Variants in PDE4B observed in about 807,000 individuals in gnomAD.
PDE4B encodes phosphodiesterase 4B, also known as 3',5'-cyclic-AMP phosphodiesterase 4B.
A neutral mutation model predicts 82.2 loss-of-function variants in PDE4B; 20 were observed. The ratio of observed to expected loss-of-function variants is 0.24; its 90% confidence interval spans 0.17 to 0.35. The LOEUF is 0.35. Ranked by LOEUF, PDE4B falls within the 10% of genes least tolerant of loss-of-function variation. PDE4B has a pLI of 1.00. For missense variants in PDE4B, 655 were observed against 907.2 expected, an observed-to-expected ratio of 0.72 and a Z score of 3.57; for synonymous variants, 320 against 318.9, an observed-to-expected ratio of 1.00 and a Z score of -0.04.
intron 3 of PDE4B, among the ~76,000 whole-genome samples, chr1:66,022,291 AC>A (rs2100771302): frequency 6.6e-6 from 1 of 152,186 alleles, no homozygotes; most frequent in South Asian, 2.1e-4. Flanking sequence ...CTAATTGAAT[AC>A]CCTGTATTTC....
intron 3 of PDE4B, among the ~76,000 whole-genome samples, chr1:65,984,787 G>A (rs576776111): frequency 2.0e-5 from 3 of 151,914 alleles, no homozygotes; most frequent in Non-Finnish European, 4.4e-5. Flanking sequence ...ATATATATAT[G>A]TTATCTTTAA....
intron 7 of PDE4B, among the ~76,000 whole-genome samples, chr1:66,317,608 T>C (rs1659117291): frequency 6.6e-6 from 1 of 152,120 alleles, no homozygotes; most frequent in Non-Finnish European, 1.5e-5. Flanking sequence ...ATTATTTTTT[T>C]AAGTCAGGCC....
intron 1 of PDE4B, among the ~76,000 whole-genome samples, chr1:65,837,093 T>A (rs1251798845): frequency 7.0e-6 from 1 of 142,786 alleles, no homozygotes; most frequent in Non-Finnish European, 1.5e-5. Context: ...CAGCACCAGT[T>A]TTTTTTTTTT....
chr1:65,919,198 T>C (rs1331118076), intron 3 of PDE4B, among the ~76,000 whole-genome samples: 4 of 152,222 alleles, frequency 2.6e-5, no homozygotes, highest in Non-Finnish European at 5.9e-5. Flanking sequence ...ACTATATGTA[T>C]ATGATGTTCT....
intron 8 of PDE4B, among the ~76,000 whole-genome samples, chr1:66,338,504 C>T (rs981613715): frequency 3.9e-5 from 6 of 152,112 alleles, no homozygotes; most frequent in Non-Finnish European, 2.9e-5. Context: ...AAAGAGCAAT[C>T]GCAATTATAG....
intron 3 of PDE4B, among the ~76,000 whole-genome samples, chr1:65,979,386 T>C (rs1039795684): frequency 6.6e-6 from 1 of 152,200 alleles, no homozygotes; most frequent in Non-Finnish European, 1.5e-5. Context: ...TGCTGGGTGG[T>C]GGTGCCGCTA....
intron 3 of PDE4B, among the ~76,000 whole-genome samples, chr1:66,224,840 A>G (rs1433285700): frequency 1.3e-5 from 2 of 152,122 alleles, no homozygotes; most frequent in East Asian, 3.8e-4. Context: ...TGGTCAAGTC[A>G]CTCTCTTAGT....
intron 6 of PDE4B, among the ~76,000 whole-genome samples, chr1:66,263,636 T>C (rs778905752): frequency 5.3e-5 from 8 of 152,110 alleles, no homozygotes; most frequent in Non-Finnish European, 8.8e-5. Context: ...CCAGTGGAGA[T>C]AATATGTGCC....
chr1:65,997,794 A>G (rs1651634525), intron 3 of PDE4B, among the ~76,000 whole-genome samples: 1 of 152,248 alleles, frequency 6.6e-6, no homozygotes, highest in African/African-American at 2.4e-5. Context: ...ACTAGCTGGA[A>G]GACAAACTTA....
At chr1:65,904,585 A>G (rs868279017) in intron 1 of PDE4B, among the ~76,000 whole-genome samples, 21 of 152,158 alleles carry the variant, frequency 1.4e-4, no homozygotes, top group Admixed American at 2.6e-4. Context: ...GTTCTGAAAT[A>G]CTACTTTTAT....
chr1:66,024,574 T>C (rs1210147925), intron 3 of PDE4B, among the ~76,000 whole-genome samples: 2 of 152,164 alleles, frequency 1.3e-5, no homozygotes, highest in African/African-American at 4.8e-5. Flanking sequence ...CATACGTTTA[T>C]TCAACAAAAT....
At chr1:65,816,427 G>A (rs1157423164) in intron 1 of PDE4B, among the ~76,000 whole-genome samples, 1 of 152,084 alleles carries the variant, frequency 6.6e-6, no homozygotes, top group Non-Finnish European at 1.5e-5. Context: ...AGCCAGTTTT[G>A]AAGAATTTTT....
At chr1:65,896,719 G>C (rs1646914317) in intron 1 of PDE4B, among the ~76,000 whole-genome samples, 1 of 152,070 alleles carries the variant, frequency 6.6e-6, no homozygotes, top group Non-Finnish European at 1.5e-5. Flanking sequence ...TGAAAGACTT[G>C]GGATAAATGC....
intron 7 of PDE4B, among the ~76,000 whole-genome samples, chr1:66,298,898 C>T (rs192254007): frequency 3.3e-5 from 5 of 152,150 alleles, no homozygotes; most frequent in Non-Finnish European, 5.9e-5. Flanking sequence ...TCATAGTAGT[C>T]ATTCTGTGGT....
At chr1:66,253,939 A>G (rs1272668528) in intron 4 of PDE4B, among the ~76,000 whole-genome samples, 9 of 152,232 alleles carry the variant, frequency 5.9e-5, no homozygotes, top group Admixed American at 1.3e-4. Flanking sequence ...TCATGTTGAC[A>G]TTATGCCCTA....
intron 3 of PDE4B, among the ~76,000 whole-genome samples, chr1:66,126,738 G>T (rs1205750638): frequency 1.3e-5 from 2 of 152,300 alleles, no homozygotes; most frequent in Admixed American, 6.5e-5. Flanking sequence ...TTTGAGAAAT[G>T]ACAGATATGT....
At chr1:66,162,277 C>CTTTGGTGG (rs1368679068) in intron 3 of PDE4B, among the ~76,000 whole-genome samples, 2 of 136,560 alleles carry the variant, frequency 1.5e-5, no homozygotes. Flanking sequence ...TTTCATAGGC[C>CTTTGGTGG]CTTTGGTGGT....
intron 3 of PDE4B, among the ~76,000 whole-genome samples, chr1:66,014,506 T>C (rs1006225701): frequency 6.6e-6 from 1 of 152,102 alleles, no homozygotes; most frequent in Non-Finnish European, 1.5e-5. Flanking sequence ...TCTTTTGCAG[T>C]ATCCAGTATC....
At chr1:65,909,192 A>G (rs899012286) in intron 1 of PDE4B, among the ~76,000 whole-genome samples, 1 of 152,182 alleles carries the variant, frequency 6.6e-6, no homozygotes, top group African/African-American at 2.4e-5. Context: ...AATCAGTTAC[A>G]TAAGAAATAG....
Sources: allele counts gnomAD v4.1 joint callset (sites outside exome capture counted in the v4.1 genomes callset), GRCh38; gene constraint gnomAD v4.1.1; transcripts MANE v1.5; gene names NCBI Gene and HGNC (gene_info 2026-07-23, HGNC 2026-07-21).